QKI: variants seen among roughly 807,000 people sequenced by gnomAD.
QKI encodes the protein QKI, KH domain containing RNA binding, also known as KH domain-containing RNA-binding protein QKI.
A neutral mutation model predicts 39.0 loss-of-function variants in QKI; 10 were observed. The ratio of observed to expected loss-of-function variants is 0.26; its 90% CI spans 0.16 to 0.43. QKI has a LOEUF of 0.43. Ranked by LOEUF, QKI falls within the 20% of genes least tolerant of loss-of-function variation. The probability of loss-of-function intolerance (pLI) is 1.00; values close to 1 mark genes in which losing one functional copy is unlikely to be tolerated. For synonymous variants in QKI, 204 were observed against 155.4 expected (o/e 1.31, Z -2.33); for missense variants, 218 against 428.0 (o/e 0.51, Z 4.33).
chr6:163,564,715 C>T (rs1257328080), intron 6 of QKI: 5 of 1,613,936 alleles, frequency 3.1e-6, no homozygotes, highest in East Asian at 2.2e-5. Context: ...CATTGACTTG[C>T]TGGATGAAGG....
chr6:163,418,653 A>G (rs1007548309), intron 1 of QKI, among the ~76,000 whole-genome samples: 1 of 152,138 alleles, frequency 6.6e-6, no homozygotes, highest in Non-Finnish European at 1.5e-5. Flanking sequence ...GATAGAGATG[A>G]TTATAGGATT....
At chr6:163,466,631 C>A (rs1392896144) in intron 2 of QKI, among the ~76,000 whole-genome samples, 1 of 152,088 alleles carries the variant, frequency 6.6e-6, no homozygotes, top group Non-Finnish European at 1.5e-5. Flanking sequence ...GAGAAAGAAT[C>A]GTCTCTTCAA....
chr6:163,541,519 T>C (rs569327390), intron 4 of QKI, among the ~76,000 whole-genome samples: 1 of 150,790 alleles, frequency 6.6e-6, no homozygotes, highest in Admixed American at 6.6e-5. Flanking sequence ...TTTCCTTTTC[T>C]CTAGTTTTGT....
chr6:163,472,542 A>T (rs554365625), intron 2 of QKI, among the ~76,000 whole-genome samples: 10 of 152,330 alleles, frequency 6.6e-5, no homozygotes, highest in African/African-American at 2.4e-4. Context: ...AAATAGAAGT[A>T]AAAGGCGAAA....
At chr6:163,415,587 C>T (rs530614029) in intron 1 of QKI, among the ~76,000 whole-genome samples, 2 of 151,764 alleles carry the variant, frequency 1.3e-5, no homozygotes, top group African/African-American at 2.4e-5. Flanking sequence ...TCCAAGTTGG[C>T]GCGTTGCGGA....
At chr6:163,494,386 TG>T (rs1583093019) in intron 3 of QKI, among the ~76,000 whole-genome samples, 1 of 152,224 alleles carries the variant, frequency 6.6e-6, no homozygotes, top group East Asian at 1.9e-4. Context: ...AGTAACGTTT[TG>T]TTCATTTGTG....
intron 2 of QKI, among the ~76,000 whole-genome samples, chr6:163,459,089 A>G (rs1374554935): frequency 6.6e-6 from 1 of 152,182 alleles, no homozygotes; most frequent in Non-Finnish European, 1.5e-5. Flanking sequence ...GTTAGGGTGA[A>G]GCCTAGCTTG....
In QKI at chr6:163,494,744, G is replaced by A. The variant is rs766892193; in HGVS notation, c.402+15848G>A. On this transcript the variant is annotated intron_variant, in intron 3 of 7. Coordinates refer to ENST00000361752, the MANE Select transcript of QKI (RefSeq NM_006775.3). The stretch of plus-strand genomic sequence containing the variant: ...TTTTGCTGTTTAAAATGTCCCTCAA[G>A]CATAGTGCTGAGGTGGTGTCTAGGA... 2.7e-4 allele frequency among the ~76,000 whole-genome samples: 41 copies of A among 151,722 alleles called. 1 individual carries two copies. The highest frequency in any genetic ancestry group is 6.8e-3 in the Middle Eastern group (2 of 294).
intron 3 of QKI, among the ~76,000 whole-genome samples, chr6:163,514,113 A>G (rs1779650282): frequency 6.6e-6 from 1 of 152,164 alleles, no homozygotes; most frequent in African/African-American, 2.4e-5. Flanking sequence ...CTCAGTGGGA[A>G]CATTGAGGGC....
At chr6:163,498,695 T>C (rs754864677) in intron 3 of QKI, among the ~76,000 whole-genome samples, 12 of 152,196 alleles carry the variant, frequency 7.9e-5, no homozygotes, top group Admixed American at 5.2e-4. Flanking sequence ...CACTAGTTTT[T>C]AGAAATAATT....
chr6:163,472,837 A>G (rs1311637037), intron 2 of QKI, among the ~76,000 whole-genome samples: 2 of 152,198 alleles, frequency 1.3e-5, no homozygotes, highest in African/African-American at 2.4e-5. Flanking sequence ...GTGGGATACA[A>G]CTAAAACCAG....
intron 1 of QKI, among the ~76,000 whole-genome samples, chr6:163,447,851 C>A (rs1441777610): frequency 6.6e-6 from 1 of 152,104 alleles, no homozygotes; most frequent in African/African-American, 2.4e-5. Context: ...AGCTTTTCTG[C>A]TTTCTACTCT....
rs1054590053 is a variant in QKI at position 163,524,059 on chromosome 6, C to T, written c.403-10923C>T. Among the ~76,000 whole-genome samples, 5 of 152,118 alleles carry T rather than the reference C, an allele frequency of 3.3e-5. No homozygotes were observed. In the South Asian group the frequency reaches 1.0e-3, roughly 32 times the overall value. Reference sequence around the variant, plus strand: ...GTTTTTATAAATTCCCTTTACTATTCGTTGTCCATTTTGTGTACTGCTTGT... The same window carrying T: ...GTTTTTATAAATTCCCTTTACTATTTGTTGTCCATTTTGTGTACTGCTTGT... On this transcript the variant is annotated intron_variant, in intron 3 of 7. Coordinates refer to ENST00000361752, the MANE Select transcript of QKI (RefSeq NM_006775.3).
intron 1 of QKI, among the ~76,000 whole-genome samples, chr6:163,441,149 G>C (rs1231413278): frequency 6.6e-6 from 1 of 152,016 alleles, no homozygotes; most frequent in Non-Finnish European, 1.5e-5. Context: ...CCAAGACTAA[G>C]CACATATTTA....
chr6:163,457,634 ATT>A (rs375211921), intron 2 of QKI: 9,545 of 265,942 alleles, frequency 0.036, no homozygotes, highest in South Asian at 0.06. Context: ...CACTCCTCTA[ATT>A]TTTTTTTTTT....
At chr6:163,472,128 A>C (rs372141729) in intron 2 of QKI, among the ~76,000 whole-genome samples, 1 of 152,218 alleles carries the variant, frequency 6.6e-6, no homozygotes, top group Non-Finnish European at 1.5e-5. Context: ...CTGATAGCCT[A>C]CTGTCGACTG....
intron 1 of QKI, among the ~76,000 whole-genome samples, chr6:163,445,697 C>T (rs1790100671): frequency 1.3e-5 from 2 of 151,388 alleles, no homozygotes; most frequent in Non-Finnish European, 2.9e-5. Flanking sequence ...TCACTCCAGG[C>T]TCCGCCTCCC....
chr6:163,450,032 CA>C (rs781098767), intron 1 of QKI, among the ~76,000 whole-genome samples: 15 of 151,556 alleles, frequency 9.9e-5, no homozygotes, highest in Non-Finnish European at 2.2e-4. Flanking sequence ...TATACACACA[CA>C]TATATATGTA....
At chr6:163,548,334 TTG>T (rs1447928851) in intron 4 of QKI, among the ~76,000 whole-genome samples, 14 of 37,056 alleles carry the variant, frequency 3.8e-4, no homozygotes, top group Non-Finnish European at 1.0e-3. Context: ...AACAAAGCAC[TTG>T]TTGTTTGCTT....
Sources: allele counts gnomAD v4.1 joint callset (sites outside exome capture counted in the v4.1 genomes callset), GRCh38; gene constraint gnomAD v4.1.1; transcripts MANE v1.5; gene names NCBI Gene and HGNC (gene_info 2026-07-23, HGNC 2026-07-21).